Variants in FBXL2 observed in about 807,000 individuals in gnomAD.
FBXL2 encodes the protein F-box/LRR-repeat protein 2.
Under a neutral mutation model 69.2 loss-of-function variants are expected in FBXL2, and 38 were observed. That is an observed-to-expected ratio of 0.55 (90% CI 0.42 to 0.72). The LOEUF is 0.72. FBXL2 is among the 30% of genes least tolerant of loss of function. The pLI, the probability that FBXL2 is intolerant of heterozygous loss-of-function variation, is 0.00. For synonymous variants in FBXL2, 192 were observed against 201.3 expected, an observed-to-expected ratio of 0.95 and a Z score of 0.39; for missense variants, 354 against 520.3, an observed-to-expected ratio of 0.68 and a Z score of 3.11.
chr3:33,355,538 T>C (rs2041140954), intron 2 of FBXL2, among the ~76,000 whole-genome samples: 1 of 152,194 alleles, frequency 6.6e-6, no homozygotes, highest in Non-Finnish European at 1.5e-5. Flanking sequence ...AAGATAATCT[T>C]GATGAAGAAG....
chr3:33,411,117 C>T, the FBXL2 span, among the ~76,000 whole-genome samples: 4 of 149,172 alleles, frequency 2.7e-5, no homozygotes, highest in East Asian at 3.9e-4. Flanking sequence ...TAAAAGGGGG[C>T]GGAAACTACT....
At chr3:33,289,072 T>A (rs1008078548) in intron 1 of FBXL2, among the ~76,000 whole-genome samples, 2 of 152,124 alleles carry the variant, frequency 1.3e-5, no homozygotes, top group Non-Finnish European at 2.9e-5. Flanking sequence ...AAAGCAGGAA[T>A]TGGACTTCAT....
chr3:33,380,886 A>G (rs374613476), intron 13 of FBXL2, among the ~76,000 whole-genome samples: 7 of 152,316 alleles, frequency 4.6e-5, no homozygotes, highest in African/African-American at 1.7e-4. Context: ...AAAAGGCTTT[A>G]AGGCCAACCT....
chr3:33,373,423 A>G (rs2042425648), intron 7 of FBXL2, 68 bp downstream of exon 7: 2 of 1,517,886 alleles, frequency 1.3e-6, no homozygotes, highest in Non-Finnish European at 9.1e-7. Context: ...AACCTTCTTA[A>G]TGGTCACGTT....
chr3:33,373,714 G>T lies in FBXL2; in HGVS notation c.582+10G>T. ...GAGGGGCTGCACACAGGTACCAGAG[G>T]GTTGATACAGCTGTTTGTGTTATGT... is the stretch of plus-strand genomic sequence containing the variant. On this transcript the variant is annotated intron_variant, in intron 8 of 14. Transcript: ENST00000484457. The T allele has an allele frequency of 6.2e-7, 1 of 1,614,122 alleles. No homozygotes were observed. Among genetic ancestry groups the T allele is most frequent in the Non-Finnish European group, 8.5e-7 (1 of 1,180,016 alleles).
chr3:33,416,897 A>T, the FBXL2 span: 1 of 1,345,738 alleles, frequency 7.4e-7, no homozygotes, highest in South Asian at 1.2e-5. Context: ...GCTTAACATA[A>T]TTCAAAATGC....
rs71070133 is a variant in FBXL2, at chr3:33,387,618, A to AAAACAACAAAC, written c.*2016_*2017insCAAACAAACAA. ...TGAGACTCCATCATCATCTCAAAAC[A>AAAACAACAAAC]AAACAAACAAACAAACAAAACAAAC... On this transcript the variant is annotated 3_prime_UTR_variant, in exon 15 of 15. Transcript: ENST00000484457. 3.0e-4 allele frequency: 45 copies of AAAACAACAAAC among 150,412 alleles called. No individual in the cohort carries two copies. Among genetic ancestry groups the AAAACAACAAAC allele is most frequent in the East Asian group, 1.2e-3 (6 of 5,126 alleles). 9.3% of individuals were successfully genotyped at this position (150,412 alleles called of 1,614,324 possible). A position where few individuals can be genotyped will look rare whatever the true frequency, so the allele number is the denominator to read the frequency against.
intron 2 of FBXL2, among the ~76,000 whole-genome samples, chr3:33,321,309 C>CAAAAAAAAAAAGAAAAAGAAAA (rs2038191001): frequency 1.1e-5 from 1 of 94,950 alleles, no homozygotes. Flanking sequence ...GACTCCATCT[C>CAAAAAAAAAAAGAAAAAGAAAA]AAAAAAAAAA....
At chr3:33,383,668 A>C (rs1165276135) in intron 13 of FBXL2, 1 of 280,634 alleles carries the variant, frequency 3.6e-6, no homozygotes, top group Non-Finnish European at 6.9e-6. Context: ...TTCCATCTTT[A>C]CACAATTAGA....
intron 2 of FBXL2, among the ~76,000 whole-genome samples, chr3:33,355,824 A>G (rs1445998419): frequency 1.3e-5 from 2 of 152,198 alleles, no homozygotes; most frequent in Non-Finnish European, 2.9e-5. Context: ...TCATGTCGCT[A>G]TCTCCGTTTC....
chr3:33,403,607 C>CTTCT (rs1217917291), exon 13 of FBXL2: 1 of 124,750 alleles, frequency 8.0e-6, no homozygotes, highest in Non-Finnish European at 1.6e-5. Flanking sequence ...TCTATCTTTC[C>CTTCT]TTCTTTCTTT....
At chr3:33,377,730 T>G (rs1468402166) in intron 11 of FBXL2, among the ~76,000 whole-genome samples, 1 of 152,140 alleles carries the variant, frequency 6.6e-6, no homozygotes, top group Non-Finnish European at 1.5e-5. Flanking sequence ...GCTGCTGATA[T>G]ACTTGGCTAC....
rs112228254 is a variant in FBXL2 at position 33,364,309 on chromosome 3, T to C, written c.196-316T>C. 239 of 318,286 alleles carry C rather than the reference T, an allele frequency of 7.5e-4. 4 individuals are homozygous for C. The highest frequency in any genetic ancestry group is 4.9e-3 in the African/African-American group (228 of 46,884). 19.7% of individuals were successfully genotyped at this position (318,286 alleles called of 1,614,324 possible). On this transcript the variant is annotated intron_variant, in intron 4 of 14. Transcript: ENST00000484457. ...AGCCTTTTGGTTGGTGGAATAGCTGTGACCTGGGTAGGGAGGGCCTAACCC... is the reference window on the plus strand; with the variant it reads ...AGCCTTTTGGTTGGTGGAATAGCTGCGACCTGGGTAGGGAGGGCCTAACCC...
intron 1 of FBXL2, among the ~76,000 whole-genome samples, chr3:33,286,309 A>T (rs1036218871): frequency 2.6e-5 from 4 of 152,112 alleles, no homozygotes; most frequent in Admixed American, 6.6e-5. Context: ...TCCACTCCAG[A>T]CCCTGTTTGC....
At chr3:33,342,714 T>TTTTTA (rs2040135445) in intron 2 of FBXL2, among the ~76,000 whole-genome samples, 1 of 77,606 alleles carries the variant, frequency 1.3e-5, no homozygotes, top group Admixed American at 1.3e-4. Flanking sequence ...ATAACTTCTT[T>TTTTTA]TTTTTTTTTT....
At chr3:33,338,316 G>A (rs2039745954) in intron 2 of FBXL2, among the ~76,000 whole-genome samples, 1 of 152,116 alleles carries the variant, frequency 6.6e-6, no homozygotes. Flanking sequence ...GGAGGCTGAG[G>A]CAGGAGAACC....
At chr3:33,337,249 G>A (rs573049016) in intron 2 of FBXL2, among the ~76,000 whole-genome samples, 14 of 151,988 alleles carry the variant, frequency 9.2e-5, no homozygotes, top group East Asian at 5.8e-4. Context: ...AATGTGAAAG[G>A]ACAGAGAAGA....
chr3:33,378,882 G>A, intron 13 of FBXL2, 141 bp downstream of exon 13: 1 of 1,467,872 alleles, frequency 6.8e-7, no homozygotes, highest in South Asian at 1.4e-5. Flanking sequence ...GCTAACTTGG[G>A]AGGCAAGGTA....
At chr3:33,338,703 CT>C (rs2039777039) in intron 2 of FBXL2, among the ~76,000 whole-genome samples, 1 of 152,152 alleles carries the variant, frequency 6.6e-6, no homozygotes, top group Non-Finnish European at 1.5e-5. Context: ...ATGAATGGTG[CT>C]GGGATAACTG....
Sources: gnomAD v4.1 joint callset for allele counts (sites outside exome capture counted in the v4.1 genomes callset) on GRCh38, gnomAD v4.1.1 for gene constraint, MANE v1.5 for transcripts, NCBI Gene and HGNC (gene_info 2026-07-23, HGNC 2026-07-21) for gene names.